Variants in CDH13 observed in about 807,000 individuals in gnomAD.
CDH13 encodes the protein cadherin 13, also known as cadherin-13.
CDH13 carries 24 observed loss-of-function variants against 63.8 expected under a neutral mutation model. That is an observed-to-expected ratio of 0.38 (90% CI 0.27 to 0.53). CDH13 has a LOEUF of 0.53. Among genes scored for constraint, CDH13 ranks in the 20% least tolerant of loss-of-function variants. The probability of loss-of-function intolerance (pLI) is 0.85; values close to 1 mark genes in which losing one functional copy is unlikely to be tolerated. For synonymous variants in CDH13, 503 were observed against 355.3 expected, an observed-to-expected ratio of 1.42 and a Z score of -4.67; for missense variants, 1,049 against 903.1, an observed-to-expected ratio of 1.16 and a Z score of -2.07.
intron 1 of CDH13, among the ~76,000 whole-genome samples, chr16:82,692,608 T>A (rs1476026667): frequency 3.3e-5 from 5 of 152,200 alleles, no homozygotes; most frequent in Middle Eastern, 3.4e-3. Context: ...CAATTCAAGA[T>A]GAGATTTGAA....
At chr16:83,216,426 A>ATG (rs1567514008) in intron 4 of CDH13, among the ~76,000 whole-genome samples, 3 of 105,524 alleles carry the variant, frequency 2.8e-5, no homozygotes, top group African/African-American at 6.9e-5. Flanking sequence ...ATATATATAT[A>ATG]TATATATATA....
intron 5 of CDH13, among the ~76,000 whole-genome samples, chr16:83,280,905 A>G (rs1293236125): frequency 6.6e-6 from 1 of 152,242 alleles, no homozygotes; most frequent in Admixed American, 6.5e-5. Context: ...AAGTCTGAGC[A>G]GTGGGCTCAA....
intron 1 of CDH13, among the ~76,000 whole-genome samples, chr16:82,810,711 A>G (rs912256892): frequency 6.6e-6 from 1 of 152,018 alleles, no homozygotes; most frequent in African/African-American, 2.4e-5. Flanking sequence ...GGTGCTCCCA[A>G]CCCTTCAGTC....
chr16:83,176,218 C>G (rs906173817), intron 4 of CDH13, among the ~76,000 whole-genome samples: 2 of 150,678 alleles, frequency 1.3e-5, no homozygotes, highest in Admixed American at 6.6e-5. Flanking sequence ...AAACGTTGTA[C>G]TTAAAGATTG....
chr16:82,979,489 T>G (rs1236972845), intron 2 of CDH13, among the ~76,000 whole-genome samples: 1 of 152,122 alleles, frequency 6.6e-6, no homozygotes, highest in Admixed American at 6.5e-5. Context: ...GTTACCCTCA[T>G]GCTGTTTTCA....
intron 6 of CDH13, among the ~76,000 whole-genome samples, chr16:83,349,195 A>G (rs2090900882): frequency 3.9e-5 from 6 of 152,204 alleles, no homozygotes; most frequent in African/African-American, 9.7e-5. Context: ...TTGCAGAGCC[A>G]CAGACATTGA....
intron 2 of CDH13, among the ~76,000 whole-genome samples, chr16:82,868,675 C>G (rs150942075): frequency 1.3e-5 from 2 of 152,354 alleles, no homozygotes; most frequent in South Asian, 4.1e-4. Context: ...AGGTATCACA[C>G]TGTCAGCCTT....
chr16:83,735,877 G>A (rs1271382155), intron 10 of CDH13: 1 of 152,180 alleles, frequency 6.6e-6, no homozygotes, highest in Non-Finnish European at 1.5e-5. Flanking sequence ...GGGGTGATGA[G>A]CAGTCCTTGT....
At chr16:83,712,523 T>C (rs374191019) in intron 10 of CDH13, among the ~76,000 whole-genome samples, 2 of 152,346 alleles carry the variant, frequency 1.3e-5, no homozygotes, top group African/African-American at 4.8e-5. Flanking sequence ...CAGGGCATGC[T>C]CTGCGCCCTG....
At chr16:82,843,593 A>G (rs577235131) in intron 1 of CDH13, among the ~76,000 whole-genome samples, 21 of 152,348 alleles carry the variant, frequency 1.4e-4, no homozygotes, top group Non-Finnish European at 2.6e-4. Context: ...GCTTAACAAG[A>G]TAGACATTTT....
chr16:82,833,881 G>T (rs764598894), intron 1 of CDH13, among the ~76,000 whole-genome samples: 1 of 152,158 alleles, frequency 6.6e-6, no homozygotes, highest in Non-Finnish European at 1.5e-5. Flanking sequence ...CGACATGTGA[G>T]CCCAGAGCAG....
At chr16:83,566,282 C>G (rs1193217250) in intron 7 of CDH13, among the ~76,000 whole-genome samples, 2 of 152,170 alleles carry the variant, frequency 1.3e-5, no homozygotes, top group Non-Finnish European at 2.9e-5. Context: ...AAGGACTGTT[C>G]TTCCCTTTCT....
intron 3 of CDH13, among the ~76,000 whole-genome samples, chr16:83,040,743 C>T (rs1917260424): frequency 6.6e-6 from 1 of 152,200 alleles, no homozygotes; most frequent in Non-Finnish European, 1.5e-5. Context: ...TCAATCCAAT[C>T]GAGTTGACAA....
intron 6 of CDH13, among the ~76,000 whole-genome samples, chr16:83,406,704 G>A (rs2092053364): frequency 6.6e-6 from 1 of 152,112 alleles, no homozygotes; most frequent in African/African-American, 2.4e-5. Flanking sequence ...GACCTCAGGT[G>A]ATCCACCCGC....
intron 6 of CDH13, among the ~76,000 whole-genome samples, chr16:83,448,294 G>A (rs902613066): frequency 3.3e-5 from 5 of 152,068 alleles, no homozygotes; most frequent in Non-Finnish European, 7.4e-5. Flanking sequence ...TAAAACCAGG[G>A]CAGGCATGCA....
At chr16:83,372,427 T>G (rs904832750) in intron 6 of CDH13, among the ~76,000 whole-genome samples, 4 of 152,080 alleles carry the variant, frequency 2.6e-5, no homozygotes, top group Non-Finnish European at 4.4e-5. Context: ...AAAATATATA[T>G]GCTGAGTTTT....
At chr16:83,786,436 C>G (rs692600) in intron 13 of CDH13, among the ~76,000 whole-genome samples, 123,153 of 151,940 alleles carry the variant, frequency 0.81, 49,965 homozygotes, top group Admixed American at 0.84. Flanking sequence ...ACGACTTGAG[C>G]TTGAGGAATA....
intron 13 of CDH13, among the ~76,000 whole-genome samples, chr16:83,788,245 G>C (rs189721713): frequency 6.6e-6 from 1 of 152,058 alleles, no homozygotes; most frequent in Admixed American, 6.6e-5. Context: ...TCAGCTACTC[G>C]GGACTGGAAA....
intron 5 of CDH13, among the ~76,000 whole-genome samples, chr16:83,303,768 C>T (rs1159051050): frequency 6.6e-6 from 1 of 152,108 alleles, no homozygotes; most frequent in East Asian, 1.9e-4. Context: ...TCTCAAAGAG[C>T]CATATTTTGG....
Sources: allele counts gnomAD v4.1 joint callset (sites outside exome capture counted in the v4.1 genomes callset), GRCh38; gene constraint gnomAD v4.1.1; transcripts MANE v1.5; gene names NCBI Gene and HGNC (gene_info 2026-07-23, HGNC 2026-07-21).